The following CTRB1 variants were observed in gnomAD, a reference collection of about 807,000 sequenced individuals.
CTRB1 encodes chymotrypsinogen B.
In CTRB1, 15 loss-of-function variants were observed where a neutral mutation model predicts 20.4. The observed-to-expected ratio is 0.74, with a 90% CI of 0.49 to 1.13. CTRB1 has a LOEUF of 1.13. Among genes scored for constraint, CTRB1 ranks in the 50% most tolerant of loss-of-function variants. The pLI is 0.00. For synonymous variants in CTRB1, 92 were observed against 128.4 expected (o/e 0.72, Z 1.92); for missense variants, 227 against 290.1 (o/e 0.78, Z 1.58).
At chr16:75,219,288 T>C (rs940691514) in intron 1 of CTRB1, among the ~76,000 whole-genome samples, 1 of 151,948 alleles carries the variant, frequency 6.6e-6, no homozygotes, top group Admixed American at 6.6e-5. Flanking sequence ...GTGGCTGGGG[T>C]GGGGGTGCCT....
Position 75,223,603 on chromosome 16 carries a change from A to AG in CTRB1, c.473dup (p.Trp159LeufsTer13), listed in dbSNP as rs2076711410. The AG allele has an allele frequency of 1.8e-6, 1 of 557,974 alleles. No individual in the cohort carries two copies. The highest frequency in any genetic ancestry group is 2.9e-6 in the Non-Finnish European group (1 of 339,706). The allele number at this position is 557,974 out of a possible 1,614,324, so 34.6% of individuals were successfully genotyped here. A position where few individuals can be genotyped will look rare whatever the true frequency, so the allele number is the denominator to read the frequency against. On this transcript the variant is annotated frameshift_variant, in exon 5 of 7. Coordinates refer to ENST00000361017, the MANE Select transcript of CTRB1 (RefSeq NM_001906.6). LOFTEE classifies it high-confidence loss of function. The stretch of plus-strand genomic sequence containing the variant: ...CCGCGGGGACACTGTGTGCCACCAC[A>AG]GGCTGGGGCAAGACCAAGTACAACG...
chr16:75,220,095 C>T (rs924772496), intron 1 of CTRB1, among the ~76,000 whole-genome samples: 15 of 152,078 alleles, frequency 9.9e-5, no homozygotes, highest in African/African-American at 3.6e-4. Context: ...GTGATCCTCC[C>T]ACTATAGCCT....
At chr16:75,224,229 G>A (rs756400255) in intron 6 of CTRB1, 41 bp downstream of exon 6, 213 of 1,465,582 alleles carry the variant, frequency 1.5e-4, no homozygotes, top group Non-Finnish European at 1.8e-4. Context: ...GGCGAGCGGG[G>A]TGCAGGGGAG....
intron 6 of CTRB1, 125 bp from the exon 7 acceptor site, chr16:75,224,580 C>T (rs2076719338): frequency 8.6e-7 from 1 of 1,163,720 alleles, no homozygotes; most frequent in Non-Finnish European, 1.2e-6. Context: ...ACCCACGCAA[C>T]AGCACATGCT....
In CTRB1 at chr16:75,224,823, C is replaced by A; in HGVS notation, c.749C>A (p.Thr250Asn). The stretch of plus-strand genomic sequence containing the variant: ...AGCCCTGGCGTGTACGCCCGTGTCA[C>A]CAAGCTCATACCTTGGGTGCAGAAG... ...TSSPGVYARVTKLIPWVQKIL... is the reference protein window; with the variant it reads ...TSSPGVYARVNKLIPWVQKIL... Residue 250 changes from threonine to asparagine, a missense_variant, in exon 7 of 7, where the codon ACC becomes AAC. Coordinates refer to ENST00000361017, the MANE Select transcript of CTRB1 (RefSeq NM_001906.6). 1 of 1,614,012 alleles carries A rather than the reference C, an allele frequency of 6.2e-7. No individual in the cohort carries two copies. The highest frequency in any genetic ancestry group is 1.7e-5 in the Admixed American group (1 of 60,022).
Position 75,222,818 on chromosome 16 carries a change from G to A in CTRB1, c.103G>A (p.Val35Met), listed in dbSNP as rs562578052. The change falls in exon 2 of 7, where the codon GTG becomes ATG. Residue 35 changes from valine to methionine, a missense_variant. Around this residue, in one of 4 missense-constraint regions of CTRB1, gnomAD observed 71 missense variants for 69.1 expected, o/e 1.03. Transcript: ENST00000361017. ...HPVLSGLSRI[V>M]NGEDAVPGSW... ...TGTGCTCAGCGGCCTGTCCAGGATC[G>A]TGAATGGGGAGGACGCCGTCCCCGG... 17 of 1,546,218 alleles carry A rather than the reference G, an allele frequency of 1.1e-5. No individual in the cohort carries two copies. In the East Asian group the frequency reaches 1.2e-4, roughly 11 times the overall value.
chr16:75,222,562 TG>T, intron 1 of CTRB1: 1 of 606,230 alleles, frequency 1.6e-6, no homozygotes, highest in Non-Finnish European at 2.9e-6. Context: ...CTCTGCATCC[TG>T]GAAGGATGAC....
Position 75,224,836 on chromosome 16 carries a change from T to C in CTRB1, c.762T>C (p.Pro254=), listed in dbSNP as rs781600065. ...ACGCCCGTGTCACCAAGCTCATACC[T>C]TGGGTGCAGAAGATCCTGGCTGCCA... ...GVYARVTKLI[P]WVQKILAAN The change falls in exon 7 of 7, where the codon CCT becomes CCC. Residue 254 remains proline, a synonymous_variant. Transcript: ENST00000361017. The C allele has an allele frequency of 6.2e-7, 1 of 1,613,874 alleles. No homozygotes were observed. The highest frequency in any genetic ancestry group is 2.2e-5 in the East Asian group (1 of 44,870).
chr16:75,219,630 C>T (rs562612681), intron 1 of CTRB1, among the ~76,000 whole-genome samples: 14 of 152,222 alleles, frequency 9.2e-5, no homozygotes, highest in African/African-American at 2.6e-4. Flanking sequence ...GTGATGCCCC[C>T]GCCTCGGCCT....
In CTRB1 at chr16:75,224,817, G is replaced by A. The variant is rs191950160; in HGVS notation, c.743G>A (p.Arg248His). Reference protein sequence around the residue: ...CSTSSPGVYARVTKLIPWVQK... With the variant: ...CSTSSPGVYAHVTKLIPWVQK... Reference sequence around the variant, plus strand: ...ACCTCCAGCCCTGGCGTGTACGCCCGTGTCACCAAGCTCATACCTTGGGTG... The same window carrying A: ...ACCTCCAGCCCTGGCGTGTACGCCCATGTCACCAAGCTCATACCTTGGGTG... Residue 248 changes from arginine to histidine, a missense_variant, in exon 7 of 7, where the codon CGT (arginine) becomes CAT (histidine). Arg to His is a conservative substitution (Grantham distance 29, BLOSUM62 0). Transcript: ENST00000361017. 2.0e-5 allele frequency: 32 copies of A among 1,613,978 alleles called. No homozygotes were observed. The highest frequency in any genetic ancestry group is 1.3e-4 in the South Asian group (12 of 91,082).
intron 1 of CTRB1, among the ~76,000 whole-genome samples, chr16:75,220,925 T>C (rs2039074198): frequency 1.3e-5 from 2 of 152,052 alleles, no homozygotes; most frequent in African/African-American, 4.8e-5. Flanking sequence ...CCCCAGCTAA[T>C]TTTTGTATTT....
chr16:75,223,980 G>A (rs2076713615), intron 5 of CTRB1, 75 bp from the exon 6 acceptor site: 8 of 520,200 alleles, frequency 1.5e-5, no homozygotes, highest in Admixed American at 8.3e-5. Flanking sequence ...TAGGGCAGGC[G>A]TGTCGGCCCC....
chr16:75,222,638 G>T, intron 1 of CTRB1, 130 bp from the exon 2 acceptor site: 2 of 971,944 alleles, frequency 2.1e-6, no homozygotes, highest in Non-Finnish European at 3.0e-6. Context: ...GGGAGGCGGA[G>T]GCGGCATGTG....
At chr16:75,223,952 C>T (rs2076713422) in intron 5 of CTRB1, 103 bp from the exon 6 acceptor site, 1 of 432,508 alleles carries the variant, frequency 2.3e-6, no homozygotes, top group Non-Finnish European at 3.9e-6. Context: ...TACCCAACAT[C>T]GTGGTGATGG....
rs746309751 is a variant in CTRB1, at chr16:75,219,051, C to A, written c.44C>A (p.Ala15Asp). 2 of 1,590,700 alleles carry A rather than the reference C, an allele frequency of 1.3e-6. No homozygotes were observed. Among genetic ancestry groups the A allele is most frequent in the Admixed American group, 1.8e-5 (1 of 56,726 alleles). The change falls in exon 1 of 7, where the codon GCC becomes GAC. Residue 15 changes from alanine to aspartate, a missense_variant. This residue lies in a region of CTRB1 where 71 missense variants were observed against 69.1 expected (regional missense o/e 1.03). Coordinates refer to ENST00000361017, the MANE Select transcript of CTRB1 (RefSeq NM_001906.6). The part of the protein sequence containing the change: ...WLLSCFSLVG[A>D]AFGCGVPAIH... Reference sequence around the variant, plus strand: ...CTCTCCTGCTTCTCCCTTGTGGGGGCCGCCTTTGGTGAGTGCTGGTGCCCG... The same window carrying A: ...CTCTCCTGCTTCTCCCTTGTGGGGGACGCCTTTGGTGAGTGCTGGTGCCCG...
In CTRB1 at chr16:75,222,518, G is replaced by T. The variant is rs1033805678; in HGVS notation, c.53-250G>T. Reference sequence around the variant, plus strand: ...CCCGGCCTGTTTTCTGCTTCTTCAGGCTGGACAGGCCCCAGGTAGGAGGAG... The same window carrying T: ...CCCGGCCTGTTTTCTGCTTCTTCAGTCTGGACAGGCCCCAGGTAGGAGGAG... On this transcript the variant is annotated intron_variant, in intron 1 of 6. Transcript: ENST00000361017. 2.2e-5 allele frequency: 12 copies of T among 556,912 alleles called. No individual in the cohort carries two copies. The East Asian group carries it at 2.9e-4, about 14-fold the overall frequency. 34.5% of individuals were successfully genotyped at this position (556,912 alleles called of 1,614,324 possible).
chr16:75,219,269 G>A (rs1320349779), intron 1 of CTRB1, among the ~76,000 whole-genome samples: 1 of 152,180 alleles, frequency 6.6e-6, no homozygotes. Flanking sequence ...ATGGTCTGAG[G>A]CTCCAGAAGT....
In CTRB1 at chr16:75,219,079, G is replaced by T. The variant is rs2039041655; in HGVS notation, c.52+20G>T. 1 of 1,578,842 alleles carries T rather than the reference G, an allele frequency of 6.3e-7. No individual in the cohort carries two copies. On this transcript the variant is annotated intron_variant, in intron 1 of 6. Transcript: ENST00000361017. ...CCTTTGGTGAGTGCTGGTGCCCGAG[G>T]GGTCTGTCCTGAGGGAGCCCTGAGC...
intron 5 of CTRB1, 32 bp from the exon 6 acceptor site, chr16:75,224,023 C>T (rs907807772): frequency 1.4e-5 from 11 of 802,898 alleles, no homozygotes; most frequent in African/African-American, 4.8e-5. Context: ...CTGAGTGAGC[C>T]CAGGGGCCCT....
Sources: allele counts gnomAD v4.1 joint callset (sites outside exome capture counted in the v4.1 genomes callset), GRCh38; gene constraint gnomAD v4.1.1; regional missense constraint gnomAD v4.1.1; transcripts MANE v1.5; gene names NCBI Gene and HGNC (gene_info 2026-07-23, HGNC 2026-07-21).